KIF6: variants seen among roughly 807,000 people sequenced by gnomAD.
KIF6 encodes the protein kinesin family member 6, also known as kinesin-like protein KIF6.
KIF6 carries 106 observed loss-of-function variants against 112.7 expected under a neutral mutation model. That is an observed-to-expected ratio of 0.94 (90% confidence interval 0.80 to 1.11). The LOEUF is 1.11. Ranked by LOEUF, KIF6 falls within the 50% of genes least tolerant of loss-of-function variation. The probability of loss-of-function intolerance (pLI) is 0.00; values close to 1 mark genes in which losing one functional copy is unlikely to be tolerated. For synonymous variants in KIF6, 339 were observed against 339.9 expected (o/e 1.00, Z 0.03); for missense variants, 929 against 964.0 (o/e 0.96, Z 0.48).
At chr6:39,488,361 A>G (rs1775259169) in intron 13 of KIF6, among the ~76,000 whole-genome samples, 1 of 152,182 alleles carries the variant, frequency 6.6e-6, no homozygotes, top group Non-Finnish European at 1.5e-5. Context: ...CATCTTAGAT[A>G]GTTTGCCCTG....
chr6:39,347,977 G>C (rs1010838375), intron 19 of KIF6, among the ~76,000 whole-genome samples: 2 of 152,238 alleles, frequency 1.3e-5, no homozygotes, highest in Non-Finnish European at 2.9e-5. Flanking sequence ...TCCCTGTGCT[G>C]GGTCTAGTGA....
chr6:39,348,688 G>A (rs1026148507), intron 19 of KIF6, among the ~76,000 whole-genome samples: 13 of 152,296 alleles, frequency 8.5e-5, no homozygotes, highest in Middle Eastern at 3.4e-3. Flanking sequence ...ATAGTAATTA[G>A]GCCTTCTGGG....
At chr6:39,479,118 ATTTATC>A (rs1774634330) in intron 13 of KIF6, among the ~76,000 whole-genome samples, 2 of 151,926 alleles carry the variant, frequency 1.3e-5, no homozygotes, top group Middle Eastern at 3.4e-3. Context: ...GGTCTCAGCT[ATTTATC>A]TTTGTTTTTG....
At chr6:39,712,040 C>A (rs1023195499) in intron 3 of KIF6, among the ~76,000 whole-genome samples, 7 of 150,764 alleles carry the variant, frequency 4.6e-5, no homozygotes, top group African/African-American at 1.5e-4. Context: ...ACAGTCAAAC[C>A]AACAAAAAGC....
chr6:39,561,095 C>A (rs951406731), intron 10 of KIF6, among the ~76,000 whole-genome samples: 3 of 152,182 alleles, frequency 2.0e-5, no homozygotes, highest in African/African-American at 4.8e-5. Flanking sequence ...CAGCATCAAA[C>A]CAGAAAGCAT....
chr6:39,577,793 T>C (rs1439776095), intron 10 of KIF6, among the ~76,000 whole-genome samples: 1 of 152,220 alleles, frequency 6.6e-6, no homozygotes, highest in Non-Finnish European at 1.5e-5. Flanking sequence ...ACAATTCCTT[T>C]TCTTCAGCTG....
intron 6 of KIF6, among the ~76,000 whole-genome samples, chr6:39,598,428 T>G (rs1353742107): frequency 1.3e-5 from 2 of 152,148 alleles, no homozygotes; most frequent in African/African-American, 4.8e-5. Context: ...GGAAATTTTG[T>G]GTACTGCTTG....
chr6:39,448,016 C>T (rs1772438548), intron 13 of KIF6, among the ~76,000 whole-genome samples: 1 of 152,168 alleles, frequency 6.6e-6, no homozygotes, highest in Non-Finnish European at 1.5e-5. Context: ...CTGGCTAAAG[C>T]AGTGGAGAGC....
intron 3 of KIF6, among the ~76,000 whole-genome samples, chr6:39,673,644 T>C (rs302578): frequency 0.055 from 8,344 of 152,194 alleles, 750 homozygotes; most frequent in African/African-American, 0.19. Context: ...GGTTATCCCA[T>C]TATCAGCTGA....
At chr6:39,696,622 A>ATG (rs137978175) in intron 3 of KIF6, among the ~76,000 whole-genome samples, 3,651 of 151,192 alleles carry the variant, frequency 0.024, 148 homozygotes, top group African/African-American at 0.082. Context: ...TTCAACTAGA[A>ATG]TGTGTGTGTG....
intron 13 of KIF6, among the ~76,000 whole-genome samples, chr6:39,474,669 C>T (rs908006903): frequency 6.6e-6 from 1 of 152,248 alleles, no homozygotes; most frequent in Non-Finnish European, 1.5e-5. Flanking sequence ...GAAGCTTCTC[C>T]TCCACCTCTT....
At chr6:39,464,869 A>G (rs1052602398) in intron 13 of KIF6, among the ~76,000 whole-genome samples, 2 of 152,230 alleles carry the variant, frequency 1.3e-5, no homozygotes, top group Non-Finnish European at 2.9e-5. Flanking sequence ...ACTCTTATTA[A>G]TATGCAACAA....
At chr6:39,366,652 T>C (rs577084622) in intron 16 of KIF6, among the ~76,000 whole-genome samples, 2 of 152,250 alleles carry the variant, frequency 1.3e-5, no homozygotes, top group East Asian at 3.9e-4. Context: ...GGGCACAGAA[T>C]GTGCAACAGT....
chr6:39,682,690 CT>C (rs1357907880), intron 3 of KIF6, among the ~76,000 whole-genome samples: 1 of 152,172 alleles, frequency 6.6e-6, no homozygotes, highest in Admixed American at 6.5e-5. Flanking sequence ...AGCGATTCTC[CT>C]GCCTCAGCCT....
intron 10 of KIF6, among the ~76,000 whole-genome samples, chr6:39,556,220 G>A (rs1446592195): frequency 2.0e-5 from 3 of 152,108 alleles, no homozygotes; most frequent in African/African-American, 7.2e-5. Context: ...TGTGTTTAAT[G>A]TTAACACAAG....
chr6:39,725,139 C>G (rs538042748), intron 1 of KIF6, 106 bp downstream of exon 1: 5 of 908,890 alleles, frequency 5.5e-6, no homozygotes, highest in Non-Finnish European at 8.0e-6. Flanking sequence ...GGCCTCGGCG[C>G]CCACCAGCAA....
chr6:39,609,124 G>C (rs957735046), intron 6 of KIF6, among the ~76,000 whole-genome samples: 4 of 152,132 alleles, frequency 2.6e-5, no homozygotes, highest in Non-Finnish European at 5.9e-5. Context: ...TAGAAAAGAA[G>C]GTCTCCAAAG....
chr6:39,643,483 A>G (rs1328971135), intron 3 of KIF6, among the ~76,000 whole-genome samples: 1 of 152,218 alleles, frequency 6.6e-6, no homozygotes, highest in Non-Finnish European at 1.5e-5. Context: ...ATATGGATCA[A>G]TAAAATAAAA....
chr6:39,568,237 C>T (rs914690329), intron 10 of KIF6, among the ~76,000 whole-genome samples: 10 of 152,200 alleles, frequency 6.6e-5, no homozygotes, highest in Admixed American at 3.9e-4. Context: ...CAGGGGGTAA[C>T]GAGTGACGGG....
Sources: gnomAD v4.1 joint callset for allele counts (sites outside exome capture counted in the v4.1 genomes callset) on GRCh38, gnomAD v4.1.1 for gene constraint, MANE v1.5 for transcripts, NCBI Gene and HGNC (gene_info 2026-07-23, HGNC 2026-07-21) for gene names.